Variants in THSD4 observed in about 807,000 individuals in gnomAD.
THSD4 encodes thrombospondin type 1 domain containing 4.
Under a neutral mutation model 119.0 loss-of-function variants are expected in THSD4, and 69 were observed. That is an observed-to-expected ratio of 0.58 (90% CI 0.48 to 0.71). The LOEUF is 0.71. Among genes scored for constraint, THSD4 ranks in the 30% least tolerant of loss-of-function variants. The probability of loss-of-function intolerance (pLI) is 0.00; values close to 1 mark genes in which losing one functional copy is unlikely to be tolerated. For synonymous variants in THSD4, 524 were observed against 540.4 expected (o/e 0.97, Z 0.42); for missense variants, 1,393 against 1,391.1 (o/e 1.00, Z -0.02).
At chr15:71,646,973 G>T (rs2050982011) in intron 7 of THSD4, among the ~76,000 whole-genome samples, 1 of 152,206 alleles carries the variant, frequency 6.6e-6, no homozygotes, top group Non-Finnish European at 1.5e-5. Flanking sequence ...GATGATAGCT[G>T]TGTCTTTGGA....
At chr15:71,189,707 C>A (rs952554997) in intron 3 of THSD4, among the ~76,000 whole-genome samples, 1 of 151,690 alleles carries the variant, frequency 6.6e-6, no homozygotes, top group Non-Finnish European at 1.5e-5. Flanking sequence ...CTCTGTGCCC[C>A]AAATGTTCTG....
rs189140716 is a variant in THSD4 at position 71,133,512 on chromosome 15, G to T, written c.-79-7937G>T. On this transcript the variant is annotated intron_variant, in intron 1 of 17. Transcript: ENST00000261862. ...CTGTGTTGTGAGGGAGGAAAGACAA[G>T]CACAAATCATAATGATACGCTTTGA... Among the ~76,000 whole-genome samples the T allele has an allele frequency of 4.3e-4, 66 of 152,300 alleles. 1 individual carries two copies. The highest frequency in any genetic ancestry group is 2.4e-3 in the Admixed American group (37 of 15,302).
chr15:71,192,519 G>C (rs571467553), intron 3 of THSD4, among the ~76,000 whole-genome samples: 1 of 152,120 alleles, frequency 6.6e-6, no homozygotes, highest in East Asian at 1.9e-4. Flanking sequence ...CTGGCCTCAA[G>C]TCTGCTTGCC....
At chr15:71,243,781 C>CTTTTTT (rs34842560) in intron 5 of THSD4, among the ~76,000 whole-genome samples, 2 of 104,934 alleles carry the variant, frequency 1.9e-5, no homozygotes, top group African/African-American at 3.6e-5. Context: ...GTGCTCAGCA[C>CTTTTTT]TTTTTTTTTT....
chr15:71,362,103 C>G (rs1381306292), intron 6 of THSD4, among the ~76,000 whole-genome samples: 1 of 152,156 alleles, frequency 6.6e-6, no homozygotes, highest in Non-Finnish European at 1.5e-5. Flanking sequence ...ATGGCGAAAC[C>G]CCATCTCTAC....
intron 7 of THSD4, among the ~76,000 whole-genome samples, chr15:71,614,748 G>C (rs1161123110): frequency 1.3e-5 from 2 of 152,212 alleles, no homozygotes; most frequent in Non-Finnish European, 2.9e-5. Flanking sequence ...TCTGAGTGGA[G>C]ATGAAGCATA....
Position 71,141,557 on chromosome 15 carries a change from G to GT in THSD4, c.29+2dup, listed in dbSNP as rs1195302915. On this transcript the variant is annotated splice_donor_variant, in intron 2 of 17. Coordinates refer to ENST00000261862, the MANE Select transcript of THSD4 (RefSeq NM_024817.3). LOFTEE classifies it high-confidence loss of function. ...TTTCCCATTTCATGGGGTCTCTCAG[G>GT]TAAGTGAAGAAACTTTTTTTAAAAA... 1.2e-6 allele frequency: 2 copies of GT among 1,608,590 alleles called. No individual in the cohort carries two copies. The highest frequency in any genetic ancestry group is 1.7e-6 in the Non-Finnish European group (2 of 1,177,874).
chr15:71,225,734 T>C (rs182992201), intron 4 of THSD4, among the ~76,000 whole-genome samples: 2 of 151,862 alleles, frequency 1.3e-5, no homozygotes, highest in Admixed American at 1.3e-4. Flanking sequence ...AGAGATGGGG[T>C]TTCACCATGT....
At chr15:71,763,965 G>A (rs1362553989) in intron 15 of THSD4, among the ~76,000 whole-genome samples, 1 of 152,138 alleles carries the variant, frequency 6.6e-6, no homozygotes, top group Non-Finnish European at 1.5e-5. Context: ...TACTCTGGAG[G>A]CTGAGGTGGG....
At chr15:71,668,794 A>G (rs962778702) in intron 8 of THSD4, among the ~76,000 whole-genome samples, 1 of 152,200 alleles carries the variant, frequency 6.6e-6, no homozygotes, top group Admixed American at 6.5e-5. Context: ...GCCAATGGAT[A>G]ACTGAAGATA....
At chr15:71,451,899 G>T (rs558730569) in intron 7 of THSD4, among the ~76,000 whole-genome samples, 2 of 152,136 alleles carry the variant, frequency 1.3e-5, no homozygotes, top group African/African-American at 4.8e-5. Context: ...GCTGCACTTC[G>T]CATTGCCTGG....
chr15:71,436,294 C>T (rs146710685), intron 7 of THSD4, among the ~76,000 whole-genome samples: 40 of 151,472 alleles, frequency 2.6e-4, no homozygotes, highest in Admixed American at 2.2e-3. Context: ...AAGACAAAGA[C>T]GAAGGAAAAA....
intron 7 of THSD4, among the ~76,000 whole-genome samples, chr15:71,631,660 C>T (rs888727399): frequency 3.9e-5 from 6 of 152,082 alleles, no homozygotes; most frequent in African/African-American, 1.4e-4. Context: ...AGAAAGAGGC[C>T]GAAATAGCCC....
At position 71,157,526 on chromosome 15, in the gene THSD4, C is replaced by T. The variant is rs1596230524; in HGVS notation, c.99+2594C>T. ...ATACCTTACTGTTAACCATCATCAA[C>T]CTACTGGGTAATAGAACACCAGAAC... On this transcript the variant is annotated intron_variant, in intron 3 of 17. Transcript: ENST00000261862. Among the ~76,000 whole-genome samples, 2 of 152,124 alleles carry T rather than the reference C, an allele frequency of 1.3e-5. 1 individual carries two copies. Among genetic ancestry groups the T allele is most frequent in the Middle Eastern group, 6.8e-3 (2 of 292 alleles).
intron 1 of THSD4, among the ~76,000 whole-genome samples, chr15:71,128,070 T>A (rs1394053379): frequency 6.6e-6 from 1 of 152,138 alleles, no homozygotes; most frequent in Non-Finnish European, 1.5e-5. Flanking sequence ...AATGGAAATT[T>A]TAGAATGGAA....
intron 7 of THSD4, among the ~76,000 whole-genome samples, chr15:71,464,509 C>T (rs1459229523): frequency 2.0e-5 from 3 of 152,150 alleles, no homozygotes; most frequent in Non-Finnish European, 4.4e-5. Flanking sequence ...AGCCGTGTTA[C>T]CCACAGTCTG....
At chr15:71,460,027 C>G (rs1413665572) in intron 7 of THSD4, among the ~76,000 whole-genome samples, 2 of 152,162 alleles carry the variant, frequency 1.3e-5, no homozygotes, top group African/African-American at 2.4e-5. Flanking sequence ...TACTTCTGGC[C>G]ACACTAATGT....
At chr15:71,544,049 G>A (rs768151545) in intron 7 of THSD4, among the ~76,000 whole-genome samples, 7 of 152,082 alleles carry the variant, frequency 4.6e-5, no homozygotes, top group Non-Finnish European at 1.0e-4. Flanking sequence ...AATAAAAAAA[G>A]AGTCATGGAT....
At chr15:71,595,087 A>G (rs779043721) in intron 7 of THSD4, among the ~76,000 whole-genome samples, 2 of 152,248 alleles carry the variant, frequency 1.3e-5, no homozygotes, top group African/African-American at 2.4e-5. Flanking sequence ...AAAGTCAGCT[A>G]GTTTCTTACT....
Sources: allele counts gnomAD v4.1 joint callset (sites outside exome capture counted in the v4.1 genomes callset), GRCh38; gene constraint gnomAD v4.1.1; transcripts MANE v1.5; gene names NCBI Gene and HGNC (gene_info 2026-07-23, HGNC 2026-07-21).